The following FLRT2 variants were observed in gnomAD, a reference collection of about 807,000 sequenced individuals.
The protein encoded by FLRT2 is fibronectin leucine rich transmembrane protein 2.
FLRT2 carries 15 observed loss-of-function variants against 40.0 expected under a neutral mutation model. The ratio of observed to expected loss-of-function variants is 0.38; its 90% CI spans 0.25 to 0.58. FLRT2 has a LOEUF of 0.58. FLRT2 is among the 20% of genes least tolerant of loss of function. The pLI is 0.71. For missense variants in FLRT2, 726 were observed against 840.0 expected (o/e 0.86, Z 1.68); for synonymous variants, 380 against 336.8 (o/e 1.13, Z -1.41).
At position 85,628,004 on chromosome 14, in the gene FLRT2, G is replaced by A. The variant is rs564501093; in HGVS notation, c.*4507G>A. The A allele has an allele frequency of 2.4e-5, 4 of 164,490 alleles. No individual in the cohort carries two copies. Among genetic ancestry groups the A allele is most frequent in the African/African-American group, 9.6e-5 (4 of 41,558 alleles). 10.2% of individuals were successfully genotyped at this position (164,490 alleles called of 1,614,324 possible). On this transcript the variant is annotated 3_prime_UTR_variant, in exon 2 of 2. Coordinates refer to ENST00000330753, the MANE Select transcript of FLRT2 (RefSeq NM_013231.6). The stretch of plus-strand genomic sequence containing the variant: ...TAATGTAGAAGAAATGACGCAGGAG[G>A]GCAGGAATAAAAGAGGTAATAGGAC...
At chr14:85,591,877 A>G (rs1891900145) in intron 1 of FLRT2, among the ~76,000 whole-genome samples, 1 of 152,192 alleles carries the variant, frequency 6.6e-6, no homozygotes, top group Non-Finnish European at 1.5e-5. Context: ...TAAATATTTC[A>G]TGAGCTAAGC....
In FLRT2 at chr14:85,556,105, A is replaced by G. The variant is rs539544403; in HGVS notation, c.-377+25571A>G. ...ATGTTTTAGGCTTGCATAAAACTAC[A>G]TGGAATATCTTCAATGCAATAATAA... On this transcript the variant is annotated intron_variant, in intron 1 of 1. Coordinates refer to ENST00000330753, the MANE Select transcript of FLRT2 (RefSeq NM_013231.6). Among the ~76,000 whole-genome samples the G allele has an allele frequency of 2.6e-5, 4 of 152,338 alleles. No homozygotes were observed. In the East Asian group the frequency reaches 7.7e-4, roughly 29 times the overall value.
chr14:85,542,050 A>G (rs892481088), intron 1 of FLRT2, among the ~76,000 whole-genome samples: 1 of 152,200 alleles, frequency 6.6e-6, no homozygotes, highest in African/African-American at 2.4e-5. Flanking sequence ...TAGCATGTAA[A>G]TTATCGTTAT....
intron 1 of FLRT2, among the ~76,000 whole-genome samples, chr14:85,570,087 A>G (rs1245217120): frequency 6.6e-6 from 1 of 152,182 alleles, no homozygotes; most frequent in African/African-American, 2.4e-5. Context: ...TCTGTTCTCC[A>G]GCTTCTGATA....
At chr14:85,569,491 A>T (rs12146974) in intron 1 of FLRT2, among the ~76,000 whole-genome samples, 1,579 of 152,268 alleles carry the variant, frequency 0.01, 8 homozygotes, top group South Asian at 0.015. Flanking sequence ...TGCAGCAAAC[A>T]CCACCCACAC....
At chr14:85,596,936 T>C (rs562777230) in intron 1 of FLRT2, among the ~76,000 whole-genome samples, 1 of 152,236 alleles carries the variant, frequency 6.6e-6, no homozygotes, top group South Asian at 2.1e-4. Flanking sequence ...AAAGTCAAGG[T>C]GAAAGCTGGG....
intron 1 of FLRT2, among the ~76,000 whole-genome samples, chr14:85,573,121 A>G (rs1331708810): frequency 1.3e-5 from 2 of 152,120 alleles, no homozygotes; most frequent in Non-Finnish European, 2.9e-5. Flanking sequence ...TGTCTATCAT[A>G]TCCTCCATCA....
chr14:85,613,353 G>A (rs1892982474), intron 1 of FLRT2, among the ~76,000 whole-genome samples: 1 of 152,076 alleles, frequency 6.6e-6, no homozygotes, highest in African/African-American at 2.4e-5. Context: ...ATGTTATTTG[G>A]TTAAAACAAA....
At chr14:85,576,766 A>G (rs148188926) in intron 1 of FLRT2, among the ~76,000 whole-genome samples, 1 of 152,294 alleles carries the variant, frequency 6.6e-6, no homozygotes, top group African/African-American at 2.4e-5. Flanking sequence ...GAAATATTCT[A>G]TTGCATTGGA....
At chr14:85,578,176 ATC>A (rs1343714739) in intron 1 of FLRT2, among the ~76,000 whole-genome samples, 3 of 145,156 alleles carry the variant, frequency 2.1e-5, no homozygotes, top group Non-Finnish European at 3.0e-5. Context: ...ATATAAAAAT[ATC>A]TTTATATATA....
intron 1 of FLRT2, among the ~76,000 whole-genome samples, chr14:85,616,320 C>A (rs370744361): frequency 3.1e-3 from 396 of 127,138 alleles, no homozygotes; most frequent in Non-Finnish European, 3.4e-3. Flanking sequence ...ATTTAAAAGA[C>A]AAAAAAAAAA....
chr14:85,593,031 A>G (rs1891972113), intron 1 of FLRT2, among the ~76,000 whole-genome samples: 1 of 152,184 alleles, frequency 6.6e-6, no homozygotes, highest in Non-Finnish European at 1.5e-5. Flanking sequence ...AATGTAGAAA[A>G]GATACCTTCA....
chr14:85,606,100 C>T (rs1406058002), intron 1 of FLRT2, among the ~76,000 whole-genome samples: 1 of 151,994 alleles, frequency 6.6e-6, no homozygotes, highest in Non-Finnish European at 1.5e-5. Flanking sequence ...CTAATATTGC[C>T]CAACCAAATA....
At position 85,648,645 on chromosome 14, in the gene FLRT2, A is replaced by G. The variant is rs1038536971; in HGVS notation, c.*25148A>G. 2.6e-5 allele frequency: 4 copies of G among 152,010 alleles called. No homozygotes were observed. Among genetic ancestry groups the G allele is most frequent in the African/African-American group, 7.2e-5 (3 of 41,392 alleles). 9.4% of individuals were successfully genotyped at this position (152,010 alleles called of 1,614,324 possible). ...CTTCCTATAATTTTCTAAGTGTATA[A>G]TTGCCCATTTTCCCTAAATACCTAG... On this transcript the variant is annotated 3_prime_UTR_variant, in exon 2 of 2. Coordinates refer to ENST00000330753, the MANE Select transcript of FLRT2 (RefSeq NM_013231.6).
chr14:85,603,738 T>C, intron 1 of FLRT2, among the ~76,000 whole-genome samples: 1 of 152,034 alleles, frequency 6.6e-6, no homozygotes, highest in Non-Finnish European at 1.5e-5. Context: ...CATAGTAGTA[T>C]GCACCTGTAG....
intron 1 of FLRT2, among the ~76,000 whole-genome samples, chr14:85,573,326 C>T (rs958312973): frequency 6.6e-6 from 1 of 152,118 alleles, no homozygotes; most frequent in South Asian, 2.1e-4. Context: ...CTCTCTCTCT[C>T]TCACATACAC....
intron 1 of FLRT2, among the ~76,000 whole-genome samples, chr14:85,570,561 TTTTATTTA>T (rs10684274): frequency 0.19 from 26,735 of 139,102 alleles, 3,079 homozygotes; most frequent in Non-Finnish European, 0.26. Context: ...TTTTTATTTA[TTTTATTTA>T]TTTATTTATT....
rs1259328662 is a variant in FLRT2, at chr14:85,648,623, C to T, written c.*25126C>T. 1 of 152,060 alleles carries T rather than the reference C, an allele frequency of 6.6e-6. No individual in the cohort carries two copies. Among genetic ancestry groups the T allele is most frequent in the Non-Finnish European group, 1.5e-5 (1 of 68,022 alleles). The allele number at this position is 152,060 out of a possible 1,614,324, so 9.4% of individuals were successfully genotyped here. The stretch of plus-strand genomic sequence containing the variant: ...CCTTTTCTTTCCTCTTTTAGTTCTT[C>T]CTATAATTTTCTAAGTGTATAATTG... On this transcript the variant is annotated 3_prime_UTR_variant, in exon 2 of 2. Transcript: ENST00000330753.
intron 1 of FLRT2, among the ~76,000 whole-genome samples, chr14:85,573,706 G>T (rs1463500273): frequency 1.3e-5 from 2 of 152,178 alleles, no homozygotes; most frequent in African/African-American, 2.4e-5. Flanking sequence ...TTTGTTTCTG[G>T]ACTGCTAATT....
Sources: allele counts gnomAD v4.1 joint callset (sites outside exome capture counted in the v4.1 genomes callset), GRCh38; gene constraint gnomAD v4.1.1; transcripts MANE v1.5; gene names NCBI Gene and HGNC (gene_info 2026-07-23, HGNC 2026-07-21).